MAN1C1: variants seen among roughly 807,000 people sequenced by gnomAD.
MAN1C1 encodes the protein mannosidase alpha class 1C member 1, also known as mannosyl-oligosaccharide 1,2-alpha-mannosidase IC.
MAN1C1 carries 49 observed loss-of-function variants against 71.5 expected under a neutral mutation model. The observed-to-expected ratio is 0.69, with a 90% CI of 0.54 to 0.87. The LOEUF is 0.87. Among genes scored for constraint, MAN1C1 ranks in the 40% least tolerant of loss-of-function variants. MAN1C1 has a pLI of 0.00. For synonymous variants in MAN1C1, 352 were observed against 343.7 expected, an observed-to-expected ratio of 1.02 and a Z score of -0.27; for missense variants, 743 against 835.0, an observed-to-expected ratio of 0.89 and a Z score of 1.36.
rs2045123399 is a variant in MAN1C1, at chr1:25,617,691, C to T, written c.-107C>T. 9.2e-7 allele frequency: 1 copy of T among 1,082,074 alleles called. No individual in the cohort carries two copies. Among genetic ancestry groups the T allele is most frequent in the Non-Finnish European group, 1.3e-6 (1 of 778,454 alleles). The allele number at this position is 1,082,074 out of a possible 1,614,324, so 67.0% of individuals were successfully genotyped here. On this transcript the variant is annotated 5_prime_UTR_variant, in exon 1 of 12. Coordinates refer to ENST00000374332, the MANE Select transcript of MAN1C1 (RefSeq NM_020379.4). The surrounding 1 kb of genome is among the most constrained non-coding windows in gnomAD (Gnocchi z 5.1). ...AAACTCTCAGGGTTGGCAACCCTGC[C>T]CAGGGACCCCCATCCCGGGCGGCGC...
At chr1:25,783,053 TG>T (rs751466337) in intron 11 of MAN1C1, among the ~76,000 whole-genome samples, 19 of 152,182 alleles carry the variant, frequency 1.2e-4, no homozygotes, top group Non-Finnish European at 2.6e-4. Context: ...TTGCTGGCAT[TG>T]ACTTTCCCTC....
At chr1:25,621,848 C>T (rs575374057) in intron 1 of MAN1C1, among the ~76,000 whole-genome samples, 154 of 152,132 alleles carry the variant, frequency 1.0e-3, no homozygotes, top group Middle Eastern at 3.4e-3. Context: ...AGGCTGGTCT[C>T]GATCTCCTGA....
chr1:25,777,782 A>G (rs1410952561), intron 8 of MAN1C1: 2 of 248,982 alleles, frequency 8.0e-6, no homozygotes, highest in Middle Eastern at 2.3e-3. Flanking sequence ...GTTAAGATCA[A>G]ACAGAGGACA....
At chr1:25,674,727 G>C (rs2046040341) in intron 1 of MAN1C1, among the ~76,000 whole-genome samples, 1 of 152,008 alleles carries the variant, frequency 6.6e-6, no homozygotes, top group Non-Finnish European at 1.5e-5. Flanking sequence ...GGCTGTGGCA[G>C]AGATGGGGAG....
rs2045327411 is a variant in MAN1C1 at position 25,628,213 on chromosome 1, T to C, written c.540+9876T>C. On this transcript the variant is annotated intron_variant, in intron 1 of 11. Coordinates refer to ENST00000374332, the MANE Select transcript of MAN1C1 (RefSeq NM_020379.4). ...AATAGTGTTTATGTTCAAGAGAGCT[T>C]TAATGTATTTTATTAACTATCTCTA... Among the ~76,000 whole-genome samples, 3 of 152,156 alleles carry C rather than the reference T, an allele frequency of 2.0e-5. No individual in the cohort carries two copies. The South Asian group carries it at 6.2e-4, about 32-fold the overall frequency.
In MAN1C1 at chr1:25,726,119, A is replaced by G. The variant is rs866167942; in HGVS notation, c.638-20549A>G. 5.3e-5 allele frequency among the ~76,000 whole-genome samples: 8 copies of G among 152,224 alleles called. No individual in the cohort carries two copies. The South Asian group carries it at 1.0e-3, about 20-fold the overall frequency. ...TCCTGCAAGTCTTCACTTCTTCAAA[A>G]GAGGTCAGTGCTCAGAGCAGTGGTC... On this transcript the variant is annotated intron_variant, in intron 2 of 11. Coordinates refer to ENST00000374332, the MANE Select transcript of MAN1C1 (RefSeq NM_020379.4).
chr1:25,685,061 G>C (rs995716801), intron 1 of MAN1C1, among the ~76,000 whole-genome samples: 1 of 152,234 alleles, frequency 6.6e-6, no homozygotes, highest in African/African-American at 2.4e-5. Context: ...GGGGTGGATA[G>C]ATGAGGCTTG....
At chr1:25,688,051 T>C (rs2046259058) in intron 2 of MAN1C1, among the ~76,000 whole-genome samples, 1 of 152,236 alleles carries the variant, frequency 6.6e-6, no homozygotes, top group Non-Finnish European at 1.5e-5. Context: ...GGATATGCCA[T>C]AATTCATTTA....
Position 25,753,475 on chromosome 1 carries a change from C to G in MAN1C1, c.835-9C>G. 1 of 1,611,340 alleles carries G rather than the reference C, an allele frequency of 6.2e-7. No individual in the cohort carries two copies. Among genetic ancestry groups the G allele is most frequent in the Middle Eastern group, 1.7e-4 (1 of 6,054 alleles). On this transcript the variant is annotated splice_polypyrimidine_tract_variant and intron_variant, in intron 4 of 11. Coordinates refer to ENST00000374332, the MANE Select transcript of MAN1C1 (RefSeq NM_020379.4). This position sits in a 1 kb window ranked among gnomAD's most constrained non-coding sequence, Gnocchi z 4.9. ...GGAGTCAAAAGCCCTTTGATCCCCT[C>G]CTTTACAGGTGTTCCGAATAAAGGC...
chr1:25,641,788 T>G (rs2045540936), intron 1 of MAN1C1, among the ~76,000 whole-genome samples: 1 of 152,074 alleles, frequency 6.6e-6, no homozygotes, highest in Non-Finnish European at 1.5e-5. Context: ...CGAAATTGAG[T>G]GAGAAAAAAG....
rs530536976 is a variant in MAN1C1 at position 25,779,914 on chromosome 1, C to T, written c.1478-1026C>T. Among the ~76,000 whole-genome samples the T allele has an allele frequency of 1.4e-4, 22 of 152,072 alleles. No homozygotes were observed. Among genetic ancestry groups the T allele is most frequent in the Non-Finnish European group, 2.9e-4 (20 of 68,016 alleles). On this transcript the variant is annotated intron_variant, in intron 9 of 11. Transcript: ENST00000374332. The surrounding 1 kb of genome is among the most constrained non-coding windows in gnomAD (Gnocchi z 4.6). Reference sequence around the variant, plus strand: ...CTCACATTAGGAATGGAGCTGGGGACTTGGGTGACCTGGACAGGAGGGACA... The same window carrying T: ...CTCACATTAGGAATGGAGCTGGGGATTTGGGTGACCTGGACAGGAGGGACA...
intron 1 of MAN1C1, among the ~76,000 whole-genome samples, chr1:25,642,934 GTCTTATTTTCA>G (rs1024036295): frequency 2.6e-5 from 4 of 152,110 alleles, no homozygotes; most frequent in Non-Finnish European, 4.4e-5. Context: ...TTATGTATTG[GTCTTATTTTCA>G]TCTTCCTGAG....
chr1:25,704,078 C>T (rs189120459), intron 2 of MAN1C1, among the ~76,000 whole-genome samples: 3 of 152,324 alleles, frequency 2.0e-5, no homozygotes, highest in East Asian at 3.9e-4. Context: ...TCCTGTCTCT[C>T]CTCGTCTCCC....
chr1:25,772,023 A>G, intron 8 of MAN1C1: 1 of 462,824 alleles, frequency 2.2e-6, no homozygotes, highest in Non-Finnish European at 3.8e-6. Flanking sequence ...AGGTGAAGTC[A>G]TTTATCCAAG....
chr1:25,765,027 G>A (rs559733967), intron 7 of MAN1C1, among the ~76,000 whole-genome samples: 4 of 152,084 alleles, frequency 2.6e-5, no homozygotes, highest in South Asian at 2.1e-4. Context: ...CAACCTGGGC[G>A]ACAGAGCAAG....
At chr1:25,653,588 C>T (rs562244358) in intron 1 of MAN1C1, among the ~76,000 whole-genome samples, 11 of 152,174 alleles carry the variant, frequency 7.2e-5, no homozygotes, top group East Asian at 1.9e-4. Context: ...TGAATGTTCT[C>T]GGACCTAGTA....
At chr1:25,714,076 A>T (rs866818367) in intron 2 of MAN1C1, among the ~76,000 whole-genome samples, 1 of 152,236 alleles carries the variant, frequency 6.6e-6, no homozygotes, top group African/African-American at 2.4e-5. Context: ...AGTTCAAATT[A>T]TTCTCTTAAT....
At position 25,661,083 on chromosome 1, in the gene MAN1C1, G is replaced by GTT. The variant is rs34138700; in HGVS notation, c.541-25347_541-25346dup. Among the ~76,000 whole-genome samples, 342 of 149,332 alleles carry GTT rather than the reference G, an allele frequency of 2.3e-3. 3 individuals are homozygous for GTT. The highest frequency in any genetic ancestry group is 3.7e-3 in the Admixed American group (56 of 14,990). ...ATCATTGATAAACACATGAAATTCT[G>GTT]TTTTTTTTTTTAATTTCAGTTTTAT... is the stretch of plus-strand genomic sequence containing the variant. On this transcript the variant is annotated intron_variant, in intron 1 of 11. Coordinates refer to ENST00000374332, the MANE Select transcript of MAN1C1 (RefSeq NM_020379.4).
intron 1 of MAN1C1, among the ~76,000 whole-genome samples, chr1:25,660,583 G>A (rs1359566280): frequency 1.3e-5 from 2 of 149,946 alleles, no homozygotes; most frequent in African/African-American, 2.4e-5. Context: ...TAGTAGAGAC[G>A]GGGTTTCACC....
Sources: gnomAD v4.1 joint callset for allele counts (sites outside exome capture counted in the v4.1 genomes callset) on GRCh38, gnomAD v4.1.1 for gene constraint, Gnocchi (gnomAD v3.1) non-coding constraint, MANE v1.5 for transcripts, NCBI Gene and HGNC (gene_info 2026-07-23, HGNC 2026-07-21) for gene names.